GRAP2: variants seen among roughly 807,000 people sequenced by gnomAD.
The protein encoded by GRAP2 is GRB2 related adaptor protein 2.
Under a neutral mutation model 43.5 loss-of-function variants are expected in GRAP2, and 31 were observed. The ratio of observed to expected loss-of-function variants is 0.71; its 90% confidence interval spans 0.54 to 0.96. The LOEUF is 0.96. Ranked by LOEUF, GRAP2 falls within the 40% of genes least tolerant of loss-of-function variation. The pLI, the probability that GRAP2 is intolerant of heterozygous loss-of-function variation, is 0.00. For synonymous variants in GRAP2, 156 were observed against 164.8 expected, an observed-to-expected ratio of 0.95 and a Z score of 0.41; for missense variants, 371 against 424.4, an observed-to-expected ratio of 0.87 and a Z score of 1.11.
chr22:39,965,278 C>T (rs1235069296), intron 4 of GRAP2, among the ~76,000 whole-genome samples: 2 of 152,116 alleles, frequency 1.3e-5, no homozygotes, highest in Non-Finnish European at 2.9e-5. Context: ...GAGGCTGAGA[C>T]AGGAGAATCG....
At chr22:39,897,515 CTTTTT>C (rs368180670), upstream of GRAP2, among the ~76,000 whole-genome samples, 1 of 127,650 alleles carries the variant, frequency 7.8e-6, no homozygotes. Context: ...AAAGTAGCCT[CTTTTT>C]TTTTTTTTTT....
At chr22:39,941,815 C>G (rs2066873838) in intron 1 of GRAP2, among the ~76,000 whole-genome samples, 1 of 152,044 alleles carries the variant, frequency 6.6e-6, no homozygotes, top group African/African-American at 2.4e-5. Flanking sequence ...TCTGACAATT[C>G]CACATCTGTA....
intron 1 of GRAP2, chr22:39,926,484 G>GAAAAA: frequency 4.2e-6 from 1 of 236,912 alleles, no homozygotes; most frequent in Non-Finnish European, 5.1e-6. Context: ...CCCAACAAAA[G>GAAAAA]AAAAAAAAAA....
At chr22:39,921,545 A>G (rs2066652374) in intron 1 of GRAP2, among the ~76,000 whole-genome samples, 1 of 152,096 alleles carries the variant, frequency 6.6e-6, no homozygotes, top group South Asian at 2.1e-4. Flanking sequence ...GTTTGTGGAG[A>G]AGGAGGATGT....
intron 1 of GRAP2, among the ~76,000 whole-genome samples, chr22:39,933,383 A>G (rs545930747): frequency 6.6e-6 from 1 of 152,352 alleles, no homozygotes; most frequent in East Asian, 1.9e-4. Context: ...TTACTAAAGC[A>G]TGTTTGCATG....
chr22:39,926,205 TATTC>T, intron 1 of GRAP2, among the ~76,000 whole-genome samples: 1 of 152,260 alleles, frequency 6.6e-6, no homozygotes, highest in Non-Finnish European at 1.5e-5. Flanking sequence ...CTTTTTGGTA[TATTC>T]ATTCATTTGG....
chr22:39,923,153 A>G (rs2066668622), intron 1 of GRAP2, among the ~76,000 whole-genome samples: 1 of 152,138 alleles, frequency 6.6e-6, no homozygotes, highest in African/African-American at 2.4e-5. Flanking sequence ...TCCAGAAGAA[A>G]TTTCCAGATT....
At chr22:39,920,246 T>C (rs1216488076) in intron 1 of GRAP2, among the ~76,000 whole-genome samples, 1 of 152,212 alleles carries the variant, frequency 6.6e-6, no homozygotes, top group Non-Finnish European at 1.5e-5. Context: ...CTGTCCAGCA[T>C]ATTCTTGCAG....
rs2067245043 is a variant in GRAP2 at position 39,971,627 on chromosome 22, A to G, written c.*543A>G. The G allele has an allele frequency of 6.6e-6, 1 of 152,660 alleles. No individual in the cohort carries two copies. Among genetic ancestry groups the G allele is most frequent in the African/African-American group, 2.4e-5 (1 of 41,460 alleles). 9.5% of individuals were successfully genotyped at this position (152,660 alleles called of 1,614,324 possible). ...GCCCAGTGCTGCGGGCAGCCAAGCG[A>G]GTCTGAGCGGGGATGTGAAGGCAGG... On this transcript the variant is annotated 3_prime_UTR_variant, in exon 8 of 8. Coordinates refer to ENST00000344138, the MANE Select transcript of GRAP2 (RefSeq NM_004810.4).
chr22:39,946,928 T>C (rs2066928272), intron 1 of GRAP2, 165 bp from the exon 2 acceptor site: 1 of 581,520 alleles, frequency 1.7e-6, no homozygotes, highest in Admixed American at 2.9e-5. Context: ...CCGGCAGCTC[T>C]TCCTGCAAAC....
chr22:39,920,651 G>A (rs1025514993), intron 1 of GRAP2, among the ~76,000 whole-genome samples: 3 of 152,142 alleles, frequency 2.0e-5, no homozygotes, highest in African/African-American at 7.2e-5. Flanking sequence ...GTGCCCCAGA[G>A]GCAGGCTAAA....
chr22:39,929,458 G>A (rs932198464), intron 1 of GRAP2, among the ~76,000 whole-genome samples: 5 of 152,156 alleles, frequency 3.3e-5, no homozygotes, highest in African/African-American at 7.2e-5. Context: ...ATAATAGAAT[G>A]AGCTGAGAAT....
intron 1 of GRAP2, among the ~76,000 whole-genome samples, chr22:39,923,259 A>T (rs1313591394): frequency 6.6e-6 from 1 of 152,174 alleles, no homozygotes; most frequent in Non-Finnish European, 1.5e-5. Context: ...TGCACCTCTG[A>T]GACATCTGTT....
At chr22:39,970,370 C>T (rs2145686322) in intron 7 of GRAP2, among the ~76,000 whole-genome samples, 1 of 152,276 alleles carries the variant, frequency 6.6e-6, no homozygotes, top group Non-Finnish European at 1.5e-5. Context: ...CATGAGCCAC[C>T]GTGCCTGGCC....
At chr22:39,898,225 A>G (rs2066473228), upstream of GRAP2, among the ~76,000 whole-genome samples, 1 of 151,976 alleles carries the variant, frequency 6.6e-6, no homozygotes, top group African/African-American at 2.4e-5. Context: ...TAAAATCGCA[A>G]CCCCCATCTC....
intron 1 of GRAP2, among the ~76,000 whole-genome samples, chr22:39,903,298 A>G (rs1199280112): frequency 1.3e-5 from 2 of 152,158 alleles, no homozygotes; most frequent in Non-Finnish European, 2.9e-5. Context: ...TAGGGTCGCT[A>G]GGTCCCCATT....
At chr22:39,922,140 A>G (rs893095440) in intron 1 of GRAP2, among the ~76,000 whole-genome samples, 1 of 152,234 alleles carries the variant, frequency 6.6e-6, no homozygotes, top group Non-Finnish European at 1.5e-5. Context: ...GTAAAGTCAC[A>G]AAGAAGATAC....
intron 3 of GRAP2, 129 bp downstream of exon 3, chr22:39,956,039 G>A (rs2067046547): frequency 1.6e-6 from 1 of 625,278 alleles, no homozygotes; most frequent in Admixed American, 2.4e-5. Context: ...GCTCTCTCCG[G>A]AGAGCCTCCA....
intron 2 of GRAP2, among the ~76,000 whole-genome samples, chr22:39,954,295 G>A (rs1168927616): frequency 6.6e-6 from 1 of 152,182 alleles, no homozygotes; most frequent in Non-Finnish European, 1.5e-5. Context: ...AGGCTCCTGG[G>A]TATCATCTAA....
Sources: allele counts gnomAD v4.1 joint callset (sites outside exome capture counted in the v4.1 genomes callset), GRCh38; gene constraint gnomAD v4.1.1; transcripts MANE v1.5; gene names NCBI Gene and HGNC (gene_info 2026-07-23, HGNC 2026-07-21).